The following SHC3 variants were observed in gnomAD, a reference collection of about 807,000 sequenced individuals.
SHC3 encodes the protein SHC-transforming protein 3.
SHC3 carries 15 observed loss-of-function variants against 60.4 expected under a neutral mutation model. The observed-to-expected ratio is 0.25, with a 90% CI of 0.17 to 0.38. SHC3 has a LOEUF of 0.38. Ranked by LOEUF, SHC3 falls within the 10% of genes least tolerant of loss-of-function variation. The pLI is 1.00. For missense variants in SHC3, 677 were observed against 786.1 expected (o/e 0.86, Z 1.66); for synonymous variants, 294 against 325.9 (o/e 0.90, Z 1.05).
chr9:89,087,518 T>C (rs548863780), intron 2 of SHC3, among the ~76,000 whole-genome samples: 7 of 152,180 alleles, frequency 4.6e-5, no homozygotes, highest in Non-Finnish European at 7.3e-5. Flanking sequence ...AGGCAATCAG[T>C]GTGGGAGGGA....
intron 2 of SHC3, among the ~76,000 whole-genome samples, chr9:89,105,877 G>A (rs1435148058): frequency 6.6e-6 from 1 of 152,068 alleles, no homozygotes; most frequent in Non-Finnish European, 1.5e-5. Context: ...AAAACACCCT[G>A]GAATGAATTG....
At chr9:89,123,966 A>T (rs1378255516) in intron 1 of SHC3, among the ~76,000 whole-genome samples, 2 of 152,212 alleles carry the variant, frequency 1.3e-5, no homozygotes, top group Non-Finnish European at 2.9e-5. Flanking sequence ...CTGGGCAAAA[A>T]GGGTCTCTTA....
At chr9:89,115,875 A>G (rs1826012509) in intron 1 of SHC3, among the ~76,000 whole-genome samples, 1 of 152,206 alleles carries the variant, frequency 6.6e-6, no homozygotes, top group East Asian at 1.9e-4. Flanking sequence ...TTAGAGTAAC[A>G]CAACCACAAC....
chr9:89,063,811 A>C (rs185355189), intron 6 of SHC3, among the ~76,000 whole-genome samples: 1 of 152,376 alleles, frequency 6.6e-6, no homozygotes, highest in Non-Finnish European at 1.5e-5. Context: ...CTAAGCTTGA[A>C]GTAGTTTGTT....
chr9:89,072,253 A>G (rs892204356), intron 4 of SHC3, among the ~76,000 whole-genome samples: 4 of 152,152 alleles, frequency 2.6e-5, no homozygotes, highest in Admixed American at 6.5e-5. Flanking sequence ...GTTATGTCTG[A>G]CCTTGAGCTG....
chr9:89,097,848 T>C (rs1455323052), intron 2 of SHC3, among the ~76,000 whole-genome samples: 1 of 152,180 alleles, frequency 6.6e-6, no homozygotes, highest in Non-Finnish European at 1.5e-5. Flanking sequence ...TTTTCAATAA[T>C]AAATAAAAAA....
In SHC3 at chr9:89,178,642, G is replaced by C. The variant is rs1042569948; in HGVS notation, c.-182C>G. The C allele has an allele frequency of 1.4e-5, 7 of 488,382 alleles. No individual in the cohort carries two copies. Among genetic ancestry groups the C allele is most frequent in the Non-Finnish European group, 2.0e-5 (6 of 294,678 alleles). The allele number at this position is 488,382 out of a possible 1,614,324, so 30.3% of individuals were successfully genotyped here. ...GGTGCCCTCCCACCGTTAAAAGCCAGCACAGCGGCGGCCGCGCAGCCCCGG... is the reference window on the plus strand; with the variant it reads ...GGTGCCCTCCCACCGTTAAAAGCCACCACAGCGGCGGCCGCGCAGCCCCGG... On this transcript the variant is annotated 5_prime_UTR_variant, in exon 1 of 12. Transcript: ENST00000375835. The surrounding 1 kb of genome is among the most constrained non-coding windows in gnomAD (Gnocchi z 6.9).
At chr9:89,020,189 G>A (rs536235396) in intron 11 of SHC3, among the ~76,000 whole-genome samples, 5 of 152,152 alleles carry the variant, frequency 3.3e-5, no homozygotes, top group Admixed American at 2.6e-4. Flanking sequence ...TGGTCAGCAG[G>A]CATCACCCCC....
At chr9:89,021,225 C>T (rs1826196241) in intron 11 of SHC3, among the ~76,000 whole-genome samples, 1 of 152,186 alleles carries the variant, frequency 6.6e-6, no homozygotes, top group African/African-American at 2.4e-5. Context: ...TTCAGGAGCT[C>T]TGCAGCTGGA....
At chr9:89,078,895 C>T (rs1825403270) in intron 2 of SHC3, among the ~76,000 whole-genome samples, 1 of 152,202 alleles carries the variant, frequency 6.6e-6, no homozygotes, top group African/African-American at 2.4e-5. Context: ...TCCTCAGAAA[C>T]ATTCTATAAA....
intron 1 of SHC3, among the ~76,000 whole-genome samples, chr9:89,131,141 T>C (rs1051807717): frequency 1.3e-5 from 2 of 152,064 alleles, no homozygotes; most frequent in Admixed American, 6.5e-5. Flanking sequence ...TCTACTCAAA[T>C]AAACTAAAAA....
chr9:89,050,582 G>A (rs757759546), intron 7 of SHC3, among the ~76,000 whole-genome samples: 12 of 152,114 alleles, frequency 7.9e-5, no homozygotes, highest in Non-Finnish European at 1.2e-4. Flanking sequence ...CACTGTGCCC[G>A]GCCTTGTGTA....
chr9:89,044,198 T>G (rs1397227670), intron 9 of SHC3, among the ~76,000 whole-genome samples: 1 of 152,280 alleles, frequency 6.6e-6, no homozygotes, highest in East Asian at 1.9e-4. Flanking sequence ...ACACATGTTA[T>G]GGAAATGCAT....
chr9:89,133,130 C>A (rs937743787), intron 1 of SHC3, among the ~76,000 whole-genome samples: 3 of 152,182 alleles, frequency 2.0e-5, no homozygotes, highest in African/African-American at 4.8e-5. Flanking sequence ...CAGAAGAAGA[C>A]ATTTATGCAG....
At chr9:89,034,623 C>G (rs1370834944) in intron 11 of SHC3, among the ~76,000 whole-genome samples, 1 of 152,220 alleles carries the variant, frequency 6.6e-6, no homozygotes, top group Non-Finnish European at 1.5e-5. Context: ...ACACCACATT[C>G]TTCTCTCTCC....
intron 1 of SHC3, among the ~76,000 whole-genome samples, chr9:89,127,452 G>A (rs1188882794): frequency 2.0e-5 from 3 of 152,116 alleles, no homozygotes; most frequent in Admixed American, 1.3e-4. Flanking sequence ...GGGGCTCCTT[G>A]AGAAAAACAG....
intron 1 of SHC3, among the ~76,000 whole-genome samples, chr9:89,135,600 T>TAG (rs998826141): frequency 6.6e-6 from 1 of 152,056 alleles, no homozygotes; most frequent in Non-Finnish European, 1.5e-5. Flanking sequence ...AGTGGGATAA[T>TAG]AGAGAGAGAG....
At chr9:89,037,299 C>T in intron 11 of SHC3, 1 of 568,038 alleles carries the variant, frequency 1.8e-6, no homozygotes, top group South Asian at 2.4e-5. Context: ...TAACTCTACC[C>T]TGCTTTGTTG....
Position 89,022,693 on chromosome 9 carries a change from G to A in SHC3, c.1657-9118C>T, listed in dbSNP as rs374679017. On this transcript the variant is annotated intron_variant, in intron 11 of 11. Transcript: ENST00000375835. ...TGCACCCAGAGGACCATCCGAACAT[G>A]CTTATAGCAACACCTCCTTATGAAA... Among the ~76,000 whole-genome samples, 19 of 152,252 alleles carry A rather than the reference G, an allele frequency of 1.2e-4. No homozygotes were observed. In the South Asian group the frequency reaches 3.9e-3, roughly 32 times the overall value.
Sources: allele counts gnomAD v4.1 joint callset (sites outside exome capture counted in the v4.1 genomes callset), GRCh38; gene constraint gnomAD v4.1.1; non-coding constraint Gnocchi (gnomAD v3.1); transcripts MANE v1.5; gene names NCBI Gene and HGNC (gene_info 2026-07-23, HGNC 2026-07-21).